ZNF385B: variants seen among roughly 807,000 people sequenced by gnomAD.
ZNF385B encodes zinc finger protein 533.
ZNF385B carries 23 observed loss-of-function variants against 39.2 expected under a neutral mutation model. That is an observed-to-expected ratio of 0.59 (90% confidence interval 0.42 to 0.83). ZNF385B has a LOEUF of 0.83. Among genes scored for constraint, ZNF385B ranks in the 40% least tolerant of loss-of-function variants. The pLI, the probability that ZNF385B is intolerant of heterozygous loss-of-function variation, is 0.00. For synonymous variants in ZNF385B, 205 were observed against 222.6 expected (o/e 0.92, Z 0.70); for missense variants, 552 against 598.9 (o/e 0.92, Z 0.82).
intron 3 of ZNF385B, among the ~76,000 whole-genome samples, chr2:179,738,167 G>C (rs6433806): frequency 0.091 from 13,911 of 152,266 alleles, 713 homozygotes; most frequent in Non-Finnish European, 0.11. Context: ...CTATTGGGAA[G>C]TTCTTTATAT....
At chr2:179,521,920 A>T (rs949161947) in intron 4 of ZNF385B, among the ~76,000 whole-genome samples, 2 of 152,118 alleles carry the variant, frequency 1.3e-5, no homozygotes, top group South Asian at 2.1e-4. Context: ...GTATTTCCTT[A>T]AGGTTTCTGG....
At chr2:179,637,278 TC>T in intron 3 of ZNF385B, 1 of 152,198 alleles carries the variant, frequency 6.6e-6, no homozygotes, top group East Asian at 1.9e-4. Flanking sequence ...ATGCTCGGCA[TC>T]CCGACACAGA....
At chr2:179,732,111 T>C (rs1701432440) in intron 3 of ZNF385B, among the ~76,000 whole-genome samples, 1 of 152,222 alleles carries the variant, frequency 6.6e-6, no homozygotes, top group Non-Finnish European at 1.5e-5. Context: ...TAAAACTGTC[T>C]CACAGCAGGA....
intron 3 of ZNF385B, among the ~76,000 whole-genome samples, chr2:179,722,792 G>T (rs1309876147): frequency 6.6e-6 from 1 of 151,994 alleles, no homozygotes; most frequent in Non-Finnish European, 1.5e-5. Flanking sequence ...GCCATTCCAC[G>T]TGAGAATTTA....
chr2:179,758,409 T>C (rs931598308), intron 3 of ZNF385B, among the ~76,000 whole-genome samples: 3 of 152,168 alleles, frequency 2.0e-5, no homozygotes, highest in African/African-American at 7.2e-5. Flanking sequence ...CTCAACTTGG[T>C]CAAAAAGCAG....
chr2:179,611,821 C>A (rs1351373136), intron 3 of ZNF385B, among the ~76,000 whole-genome samples: 1 of 152,100 alleles, frequency 6.6e-6, no homozygotes, highest in Non-Finnish European at 1.5e-5. Context: ...CATATAGTTG[C>A]TGATAGTAGC....
At chr2:179,473,086 G>A (rs1032750954) in intron 6 of ZNF385B, among the ~76,000 whole-genome samples, 4 of 152,320 alleles carry the variant, frequency 2.6e-5, no homozygotes, top group Non-Finnish European at 4.4e-5. Flanking sequence ...TAGAGTGCCA[G>A]GGGCTGCAGG....
intron 3 of ZNF385B, among the ~76,000 whole-genome samples, chr2:179,637,553 T>C (rs1691872366): frequency 6.6e-6 from 1 of 152,136 alleles, no homozygotes; most frequent in South Asian, 2.1e-4. Flanking sequence ...AGAATACAGT[T>C]TCAAATTGAA....
rs143026455 is a variant in ZNF385B at position 179,601,008 on chromosome 2, A to G, written c.299-56039T>C. On this transcript the variant is annotated intron_variant, in intron 3 of 9. Transcript: ENST00000410066. ...TAAATATATGTGGATAGAAAAGAGG[A>G]CAAAGTGAAGGTGACATTATAAACA... 2.3e-3 allele frequency among the ~76,000 whole-genome samples: 356 copies of G among 152,356 alleles called. 2 individuals carry two copies. The highest frequency in any genetic ancestry group is 0.01 in the Middle Eastern group (3 of 294).
intron 1 of ZNF385B, among the ~76,000 whole-genome samples, chr2:179,840,689 C>G (rs1575584744): frequency 6.6e-6 from 1 of 152,298 alleles, no homozygotes; most frequent in East Asian, 1.9e-4. Flanking sequence ...TCTCTTGCTT[C>G]CTTACCTCCC....
intron 6 of ZNF385B, among the ~76,000 whole-genome samples, chr2:179,470,391 C>G (rs577252125): frequency 1.3e-5 from 2 of 152,152 alleles, no homozygotes; most frequent in Non-Finnish European, 2.9e-5. Flanking sequence ...CTCCGTGCAG[C>G]CTGTTGGGCC....
intron 1 of ZNF385B, among the ~76,000 whole-genome samples, chr2:179,813,953 AAGT>A (rs1440278579): frequency 1.3e-5 from 2 of 152,252 alleles, no homozygotes; most frequent in African/African-American, 4.8e-5. Flanking sequence ...CAAAAATAGA[AAGT>A]AGGTTAAAAA....
chr2:179,667,949 T>C (rs1695392127), intron 3 of ZNF385B, among the ~76,000 whole-genome samples: 1 of 152,226 alleles, frequency 6.6e-6, no homozygotes, highest in South Asian at 2.1e-4. Flanking sequence ...CTCCTTAAGT[T>C]GGCCTGAGTC....
chr2:179,452,346 C>G (rs1228947670), intron 6 of ZNF385B, among the ~76,000 whole-genome samples: 1 of 151,988 alleles, frequency 6.6e-6, no homozygotes, highest in African/African-American at 2.4e-5. Context: ...TCAAATTAAT[C>G]CACCTTATTC....
chr2:179,578,422 T>C (rs1427188785), intron 3 of ZNF385B, among the ~76,000 whole-genome samples: 2 of 152,106 alleles, frequency 1.3e-5, no homozygotes, highest in African/African-American at 2.4e-5. Context: ...CAAACTAATG[T>C]AGTAGGCACA....
chr2:179,719,468 G>A (rs1700544118), intron 3 of ZNF385B, among the ~76,000 whole-genome samples: 1 of 152,126 alleles, frequency 6.6e-6, no homozygotes. Flanking sequence ...TTCCCCAGAG[G>A]CTATAACGGC....
chr2:179,751,563 C>G (rs752469065), intron 3 of ZNF385B, among the ~76,000 whole-genome samples: 1 of 151,970 alleles, frequency 6.6e-6, no homozygotes, highest in Non-Finnish European at 1.5e-5. Context: ...GTTATAATAC[C>G]TATCATTAAT....
chr2:179,443,409 T>C lies in ZNF385B; in HGVS notation c.1302A>G (p.Ser434=), dbSNP rs78672566. The change falls in exon 10 of 10, where the codon TCA becomes TCG. Residue 434 remains serine, a synonymous_variant. Coordinates refer to ENST00000410066, the MANE Select transcript of ZNF385B (RefSeq NM_152520.6). The stretch of plus-strand genomic sequence containing the variant: ...ACACGGCTGCCGCCGCTGCGAGAGG[T>C]GAGGACAGGAAGGCTGGGGCCAAAG... ...MKPLAPAFLS[S]PLAAAAAVSS... is the part of the protein sequence containing the mutation. The C allele has an allele frequency of 8.7e-6, 14 of 1,610,748 alleles. No individual in the cohort carries two copies. The highest frequency in any genetic ancestry group is 1.2e-5 in the Non-Finnish European group (14 of 1,178,842).
At chr2:179,544,762 C>T (rs2060122550) in intron 4 of ZNF385B, 65 bp downstream of exon 4, 2 of 1,590,064 alleles carry the variant, frequency 1.3e-6, no homozygotes, top group East Asian at 4.5e-5. Context: ...TATCTATTGA[C>T]TATTCACAAA....
Sources: allele counts gnomAD v4.1 joint callset (sites outside exome capture counted in the v4.1 genomes callset), GRCh38; gene constraint gnomAD v4.1.1; transcripts MANE v1.5; gene names NCBI Gene and HGNC (gene_info 2026-07-23, HGNC 2026-07-21).